Variants in PAM observed in about 807,000 individuals in gnomAD.
PAM encodes peptidylglycine alpha-amidating monooxygenase.
Under a neutral mutation model 122.1 loss-of-function variants are expected in PAM, and 72 were observed. The observed-to-expected ratio is 0.59, with a 90% CI of 0.49 to 0.72. The LOEUF is 0.72. Ranked by LOEUF, PAM falls within the 30% of genes least tolerant of loss-of-function variation. The probability of loss-of-function intolerance (pLI) is 0.00; values close to 1 mark genes in which losing one functional copy is unlikely to be tolerated. For missense variants in PAM, 1,106 were observed against 1,183.7 expected (o/e 0.93, Z 0.96); for synonymous variants, 389 against 404.4 (o/e 0.96, Z 0.46).
In PAM at chr5:103,007,026, T is replaced by G. The variant is rs1582834402; in HGVS notation, c.2014+15T>G. 1.3e-6 allele frequency: 2 copies of G among 1,553,972 alleles called. No individual in the cohort carries two copies. Among genetic ancestry groups the G allele is most frequent in the African/African-American group, 1.4e-5 (1 of 73,722 alleles). The stretch of plus-strand genomic sequence containing the variant: ...GTGGGGAGAAGGTACCCAATAAGAC[T>G]CTTAATCTCCAGTTGTAATTCTTAG... On this transcript the variant is annotated intron_variant, in intron 19 of 25. Coordinates refer to ENST00000438793, the MANE Select transcript of PAM (RefSeq NM_001177306.2).
chr5:102,987,436 G>T, intron 15 of PAM: 1 of 408,260 alleles, frequency 2.4e-6, no homozygotes, highest in South Asian at 1.9e-5. Flanking sequence ...CCAACATGTA[G>T]AGAGATGAAA....
chr5:102,946,402 A>C (rs935150892), intron 7 of PAM, among the ~76,000 whole-genome samples: 8 of 151,986 alleles, frequency 5.3e-5, no homozygotes, highest in African/African-American at 1.9e-4. Context: ...CAATGCCTAA[A>C]GTGTATGAAA....
intron 7 of PAM, among the ~76,000 whole-genome samples, chr5:102,944,352 G>T (rs1221902771): frequency 6.6e-6 from 1 of 152,066 alleles, no homozygotes; most frequent in East Asian, 1.9e-4. Context: ...AGTAGCTAAA[G>T]GCCAGGTATT....
chr5:102,799,464 T>C (rs1483057297), intron 1 of PAM, among the ~76,000 whole-genome samples: 4 of 152,092 alleles, frequency 2.6e-5, no homozygotes, highest in East Asian at 1.9e-4. Context: ...GTCTCCAGAG[T>C]TGGATACACC....
chr5:102,953,431 T>C (rs1267243263), intron 12 of PAM, among the ~76,000 whole-genome samples: 2 of 152,168 alleles, frequency 1.3e-5, no homozygotes, highest in African/African-American at 4.8e-5. Flanking sequence ...ATCTGAAGGA[T>C]GTATTAAGTG....
At chr5:103,009,422 A>G (rs974095400) in intron 20 of PAM, among the ~76,000 whole-genome samples, 1 of 152,140 alleles carries the variant, frequency 6.6e-6, no homozygotes, top group African/African-American at 2.4e-5. Context: ...ACTTTCCCCA[A>G]TTCCTATTTA....
chr5:102,869,160 C>T (rs1269237386), intron 3 of PAM, among the ~76,000 whole-genome samples: 1 of 152,220 alleles, frequency 6.6e-6, no homozygotes, highest in Middle Eastern at 3.2e-3. Flanking sequence ...AGATGGAACA[C>T]ATGGACCGTG....
chr5:103,021,808 T>G (rs1391589716), intron 23 of PAM, among the ~76,000 whole-genome samples: 8 of 152,150 alleles, frequency 5.3e-5, no homozygotes, highest in Non-Finnish European at 1.2e-4. Context: ...CAAACCACCC[T>G]TTATAAAAGA....
At chr5:102,787,296 C>T (rs1345425292) in intron 1 of PAM, among the ~76,000 whole-genome samples, 1 of 152,006 alleles carries the variant, frequency 6.6e-6, no homozygotes, top group Non-Finnish European at 1.5e-5. Flanking sequence ...CTGACTTGAG[C>T]ATGTTCCAGC....
chr5:102,978,938 G>A (rs903330004), intron 15 of PAM, among the ~76,000 whole-genome samples: 8 of 151,668 alleles, frequency 5.3e-5, no homozygotes, highest in East Asian at 1.9e-4. Flanking sequence ...GTTAAGTCAC[G>A]TATCCGAAAT....
At chr5:102,804,423 C>T (rs1384801818) in intron 1 of PAM, among the ~76,000 whole-genome samples, 2 of 152,062 alleles carry the variant, frequency 1.3e-5, no homozygotes, top group South Asian at 4.1e-4. Context: ...GGGAATGGAA[C>T]AGGAAGAGAA....
intron 4 of PAM, among the ~76,000 whole-genome samples, chr5:102,902,500 A>G (rs1334370108): frequency 1.3e-5 from 2 of 151,624 alleles, no homozygotes; most frequent in African/African-American, 4.8e-5. Context: ...GACATTACCA[A>G]GAAAAAGTTA....
At chr5:102,866,354 G>A (rs1177206892) in intron 2 of PAM, 70 bp downstream of exon 2, 12 of 998,210 alleles carry the variant, frequency 1.2e-5, no homozygotes. Context: ...ATGAACCTGA[G>A]TGTTGGCAAA....
At chr5:102,967,410 C>G (rs1332359061) in intron 14 of PAM, among the ~76,000 whole-genome samples, 2 of 152,092 alleles carry the variant, frequency 1.3e-5, no homozygotes, top group African/African-American at 4.8e-5. Flanking sequence ...TTACTGCAGC[C>G]TAAAATCATC....
chr5:102,874,828 C>T (rs541163146), intron 3 of PAM, among the ~76,000 whole-genome samples: 2 of 152,188 alleles, frequency 1.3e-5, no homozygotes, highest in South Asian at 4.1e-4. Flanking sequence ...ACTTTACGTA[C>T]ATTGTCTCAT....
intron 1 of PAM, among the ~76,000 whole-genome samples, chr5:102,819,113 G>T (rs1770870452): frequency 6.6e-6 from 1 of 152,082 alleles, no homozygotes; most frequent in Admixed American, 6.6e-5. Flanking sequence ...TATATTCTTT[G>T]CTGCTTGCTT....
intron 1 of PAM, among the ~76,000 whole-genome samples, chr5:102,797,530 T>G (rs1763691665): frequency 6.6e-6 from 1 of 152,184 alleles, no homozygotes; most frequent in African/African-American, 2.4e-5. Flanking sequence ...TATACAGAAC[T>G]GAATGTCAGG....
intron 15 of PAM, among the ~76,000 whole-genome samples, chr5:102,988,521 T>G (rs1772749620): frequency 6.6e-6 from 1 of 151,966 alleles, no homozygotes; most frequent in Non-Finnish European, 1.5e-5. Flanking sequence ...GTTCCCAGAT[T>G]CTACCATAGT....
At chr5:102,777,093 C>T (rs168927) in intron 1 of PAM, among the ~76,000 whole-genome samples, 67,727 of 151,848 alleles carry the variant, frequency 0.45, 15,532 homozygotes, top group African/African-American at 0.55. Flanking sequence ...GTTTTCTAAA[C>T]ATGGGACTTT....
Sources: gnomAD v4.1 joint callset for allele counts (sites outside exome capture counted in the v4.1 genomes callset) on GRCh38, gnomAD v4.1.1 for gene constraint, MANE v1.5 for transcripts, NCBI Gene and HGNC (gene_info 2026-07-23, HGNC 2026-07-21) for gene names.